Variants in BIRC6 observed in about 807,000 individuals in gnomAD.
BIRC6 encodes the protein baculoviral IAP repeat containing 6.
A neutral mutation model predicts 503.3 loss-of-function variants in BIRC6; 98 were observed. The observed-to-expected ratio is 0.19, with a 90% CI of 0.17 to 0.23. The LOEUF (loss-of-function observed/expected upper bound fraction) is 0.23. Among genes scored for constraint, BIRC6 ranks in the 10% least tolerant of loss-of-function variants. The pLI, the probability that BIRC6 is intolerant of heterozygous loss-of-function variation, is 1.00. For synonymous variants in BIRC6, 2,240 were observed against 2,078.7 expected (o/e 1.08, Z -2.11); for missense variants, 5,360 against 5,806.0 (o/e 0.92, Z 2.50).
chr2:32,558,717 T>C (rs2058952618), intron 65 of BIRC6: 1 of 152,220 alleles, frequency 6.6e-6, no homozygotes, highest in African/African-American at 2.4e-5. Flanking sequence ...TAGTGATGAA[T>C]GAACCTTTTC....
At chr2:32,397,299 C>G (rs143989623) in intron 6 of BIRC6, among the ~76,000 whole-genome samples, 5 of 151,704 alleles carry the variant, frequency 3.3e-5, no homozygotes, top group African/African-American at 1.2e-4. Flanking sequence ...GGTGAAACCC[C>G]GTCTCTGCTA....
At chr2:32,565,093 G>C (rs1036408736) in intron 65 of BIRC6, 7 of 152,226 alleles carry the variant, frequency 4.6e-5, no homozygotes, top group African/African-American at 1.7e-4. Context: ...GTATGTACCA[G>C]TTTCACTGGG....
At chr2:32,402,630 GGTT>G (rs1400024001) in intron 8 of BIRC6, among the ~76,000 whole-genome samples, 3 of 152,134 alleles carry the variant, frequency 2.0e-5, no homozygotes, top group East Asian at 1.9e-4. Flanking sequence ...AAAGCCTTGT[GGTT>G]GTTCTATTAA....
intron 65 of BIRC6, among the ~76,000 whole-genome samples, chr2:32,567,622 C>A (rs1309963697): frequency 6.6e-6 from 1 of 152,170 alleles, no homozygotes; most frequent in East Asian, 1.9e-4. Context: ...GCTAAATGTA[C>A]CAAGTTTTCA....
At position 32,464,608 on chromosome 2, in the gene BIRC6, G is replaced by C. The variant is rs1176233373; in HGVS notation, c.5041G>C (p.Val1681Leu). Residue 1681 changes from valine to leucine, a missense_variant, in exon 25 of 74, where the codon GTG becomes CTG. This residue lies in a region of BIRC6 where 2,299 missense variants were observed against 2,267.2 expected (regional missense o/e 1.01). Coordinates refer to ENST00000421745, the MANE Select transcript of BIRC6 (RefSeq NM_016252.4). Reference protein sequence around the residue: ...PVHNSVPSNPVAAPGFFIHPS... With the variant: ...PVHNSVPSNPLAAPGFFIHPS... ...TCACAACTCTGTGCCTTCCAACCCA[G>C]TGGCTGCCCCTGGATTCTTCATTCA... 6.2e-7 allele frequency: 1 copy of C among 1,613,624 alleles called. No homozygotes were observed. Among genetic ancestry groups the C allele is most frequent in the Non-Finnish European group, 8.5e-7 (1 of 1,179,758 alleles).
intron 57 of BIRC6, chr2:32,523,673 A>T (rs1021235439): frequency 6.6e-6 from 1 of 152,240 alleles, no homozygotes; most frequent in Non-Finnish European, 1.5e-5. Flanking sequence ...AATGAGAGTT[A>T]TTACAAAAGA....
At chr2:32,470,901 TGATAA>T (rs955492387) in intron 31 of BIRC6, 108 bp from the exon 32 acceptor site, 141 of 1,090,238 alleles carry the variant, frequency 1.3e-4, no homozygotes, top group Admixed American at 1.0e-3. Context: ...GTGTTAGTAA[TGATAA>T]GATATGTTTT....
chr2:32,541,646 T>A, intron 61 of BIRC6, among the ~76,000 whole-genome samples: 1 of 152,126 alleles, frequency 6.6e-6, no homozygotes, highest in East Asian at 1.9e-4. Context: ...ATTATATGTT[T>A]GAGTGTGGAA....
intron 62 of BIRC6, 41 bp downstream of exon 62, chr2:32,543,582 A>C (rs2057833380): frequency 6.4e-7 from 1 of 1,571,284 alleles, no homozygotes; most frequent in East Asian, 2.2e-5. Context: ...ATATGTGAAT[A>C]GGTTGTGTAA....
chr2:32,409,780 A>G (rs540705781), intron 9 of BIRC6, among the ~76,000 whole-genome samples: 7 of 152,332 alleles, frequency 4.6e-5, no homozygotes, highest in Non-Finnish European at 8.8e-5. Flanking sequence ...GATTGTCTGA[A>G]GAATATTATG....
At chr2:32,614,254 C>T (rs1225336035) in intron 73 of BIRC6, among the ~76,000 whole-genome samples, 1 of 152,200 alleles carries the variant, frequency 6.6e-6, no homozygotes, top group African/African-American at 2.4e-5. Context: ...TGAGTTCCCA[C>T]AGCTTTGTCT....
At chr2:32,495,531 T>C (rs1306975428) in intron 45 of BIRC6, among the ~76,000 whole-genome samples, 1 of 152,140 alleles carries the variant, frequency 6.6e-6, no homozygotes, top group African/African-American at 2.4e-5. Flanking sequence ...ATCAGATGAG[T>C]GTTTTGCAAA....
At chr2:32,477,284 G>C (rs763120794) in intron 34 of BIRC6, 84 bp from the exon 35 acceptor site, 29 of 1,369,252 alleles carry the variant, frequency 2.1e-5, no homozygotes, top group Non-Finnish European at 2.8e-5. Flanking sequence ...AATATGGAGT[G>C]GATATTTTCA....
chr2:32,448,666 G>A (rs530856138), intron 21 of BIRC6, 129 bp from the exon 22 acceptor site: 2 of 662,474 alleles, frequency 3.0e-6, no homozygotes, highest in Non-Finnish European at 5.0e-6. Flanking sequence ...GAGGGGAGAG[G>A]GGAGAGGGGA....
At chr2:32,370,702 TAAA>T (rs2035805943) in intron 1 of BIRC6, among the ~76,000 whole-genome samples, 1 of 152,200 alleles carries the variant, frequency 6.6e-6, no homozygotes, top group African/African-American at 2.4e-5. Context: ...TAAAAAATTT[TAAA>T]AATTCTTGTG....
chr2:32,578,413 A>G (rs936204415), intron 66 of BIRC6, among the ~76,000 whole-genome samples: 3 of 152,204 alleles, frequency 2.0e-5, no homozygotes, highest in African/African-American at 7.2e-5. Flanking sequence ...TGAGAAGAGA[A>G]TGATTCAGGA....
rs1201158867 is a variant in BIRC6, at chr2:32,617,719, G to C, written c.14395-6G>C. 6.2e-7 allele frequency: 1 copy of C among 1,612,420 alleles called. No homozygotes were observed. The highest frequency in any genetic ancestry group is 1.1e-5 in the South Asian group (1 of 90,958). ...GTTCTAACATTAGTCCTTTTCTCCT[G>C]CATAGCGTCACACTGCTCAGCTCCG... On this transcript the variant is annotated splice_region_variant and splice_polypyrimidine_tract_variant and intron_variant, in intron 73 of 73. Transcript: ENST00000421745.
chr2:32,415,966 A>G lies in BIRC6; in HGVS notation c.2675A>G (p.Glu892Gly), dbSNP rs772651894. ...ACCTCAAAGAATGGTTTTGAGAGAG[A>G]AAAAACGTCTGACATTTCTACTCTT... The part of the protein sequence containing the change: ...QLTSKNGFER[E>G]KTSDISTLGH... The change falls in exon 10 of 74, where the codon GAA (glutamate) becomes GGA (glycine). Residue 892 changes from glutamate to glycine, a missense_variant. Glu to Gly is a moderately conservative substitution (Grantham distance 98). Coordinates refer to ENST00000421745, the MANE Select transcript of BIRC6 (RefSeq NM_016252.4). The G allele has an allele frequency of 7.5e-5, 121 of 1,613,700 alleles. No individual in the cohort carries two copies. Among genetic ancestry groups the G allele is most frequent in the Non-Finnish European group, 2.3e-5 (27 of 1,179,782 alleles).
At chr2:32,575,482 C>T (rs1456065766) in intron 66 of BIRC6, 116 bp downstream of exon 66, 10 of 916,300 alleles carry the variant, frequency 1.1e-5, no homozygotes, top group South Asian at 3.2e-5. Flanking sequence ...TATACACCCT[C>T]GGCTGGGTGC....
Sources: allele counts gnomAD v4.1 joint callset (sites outside exome capture counted in the v4.1 genomes callset), GRCh38; gene constraint gnomAD v4.1.1; regional missense constraint gnomAD v4.1.1; transcripts MANE v1.5; gene names NCBI Gene and HGNC (gene_info 2026-07-23, HGNC 2026-07-21).